HEATR4: variants seen among roughly 807,000 people sequenced by gnomAD.
HEATR4 encodes the protein HEAT repeat containing 4.
HEATR4 carries 95 observed loss-of-function variants against 108.8 expected under a neutral mutation model. That is an observed-to-expected ratio of 0.87 (90% CI 0.74 to 1.04). The LOEUF (loss-of-function observed/expected upper bound fraction) is 1.04. HEATR4 is among the 50% of genes least tolerant of loss of function. HEATR4 has a pLI of 0.00. For synonymous variants in HEATR4, 443 were observed against 459.4 expected (o/e 0.96, Z 0.46); for missense variants, 1,152 against 1,253.8 (o/e 0.92, Z 1.23).
chr14:73,590,611 C>G, the HEATR4 span, among the ~76,000 whole-genome samples: 1 of 152,194 alleles, frequency 6.6e-6, no homozygotes, highest in South Asian at 2.1e-4. Context: ...CTGCAGGTCC[C>G]GAGCCCTGCG....
chr14:73,574,616 G>A, the HEATR4 span, among the ~76,000 whole-genome samples: 1 of 151,962 alleles, frequency 6.6e-6, no homozygotes, highest in Non-Finnish European at 1.5e-5. Context: ...CAGTGGGAAT[G>A]GGTGGCTCAG....
the HEATR4 span, among the ~76,000 whole-genome samples, chr14:73,597,960 G>C: frequency 1.3e-5 from 2 of 151,654 alleles, no homozygotes; most frequent in African/African-American, 4.8e-5. Context: ...CTGACCTCAA[G>C]TGATCCACCT....
At position 73,503,000 on chromosome 14, in the gene HEATR4, T is replaced by A; in HGVS notation, c.2000A>T (p.Lys667Met). Residue 667 changes from lysine to methionine, a missense_variant, in exon 11 of 18, where the codon AAG (lysine) becomes ATG (methionine). By Grantham distance (95) the Lys-to-Met change is moderately conservative. Transcript: ENST00000553558. ...GTCATTCCACATCAGCTGGATCAACTTATGTTTCATATCCTATAAATAGGT... is the reference window on the plus strand; with the variant it reads ...GTCATTCCACATCAGCTGGATCAACATATGTTTCATATCCTATAAATAGGT... ...SGNVCLDMKH[K>M]LIQLMWNDWN... is the part of the protein sequence containing the mutation. The A allele has an allele frequency of 6.2e-7, 1 of 1,612,644 alleles. No individual in the cohort carries two copies. Among genetic ancestry groups the A allele is most frequent in the Non-Finnish European group, 8.5e-7 (1 of 1,178,856 alleles).
chr14:73,509,322 G>C lies in HEATR4; in HGVS notation c.1710C>G (p.Ala570=). The stretch of plus-strand genomic sequence containing the variant: ...CAGGGAGTTACTCACCCTTCAGAAG[G>C]GCAGTCTGCATGATGTTCCGGGCAA... The part of the protein sequence containing the change: ...NPLARNIMQT[A]LLKGNSVDSW... The change falls in exon 8 of 18, where the codon GCC becomes GCG. Residue 570 remains alanine, a synonymous_variant. Transcript: ENST00000553558. The C allele has an allele frequency of 6.2e-7, 1 of 1,614,012 alleles. No individual in the cohort carries two copies. The highest frequency in any genetic ancestry group is 8.5e-7 in the Non-Finnish European group (1 of 1,179,970).
chr14:73,599,252 T>C, the HEATR4 span, among the ~76,000 whole-genome samples: 1 of 152,098 alleles, frequency 6.6e-6, no homozygotes, highest in Non-Finnish European at 1.5e-5. Context: ...GATGTCCCTC[T>C]CAAGCCCTGT....
chr14:73,607,321 AAAAG>A, the HEATR4 span, among the ~76,000 whole-genome samples: 1 of 152,214 alleles, frequency 6.6e-6, no homozygotes, highest in East Asian at 1.9e-4. Flanking sequence ...AAAAAATAAA[AAAAG>A]AAAGAAATGT....
the HEATR4 span, chr14:73,619,661 A>G: frequency 6.2e-7 from 1 of 1,614,044 alleles, no homozygotes; most frequent in East Asian, 2.2e-5. Flanking sequence ...CACTGTATTG[A>G]CCCACCTTAT....
rs751535322 is a variant in HEATR4, at chr14:73,499,073, C to T, written c.2354G>A (p.Arg785Gln). The change falls in exon 13 of 18, where the codon CGA becomes CAA. Residue 785 changes from arginine to glutamine, a missense_variant and splice_region_variant. By Grantham distance (43) the Arg-to-Gln change is conservative. Transcript: ENST00000553558. ...PYWKIKAFAI[R>Q]ALGQIGQVSP... ...TTGGGGCACTACTTCTATAATACCT[C>T]GAATGGCAAAGGCCTTGATTTTCCA... The T allele has an allele frequency of 1.4e-5, 22 of 1,613,824 alleles. No homozygotes were observed. Among genetic ancestry groups the T allele is most frequent in the African/African-American group, 4.0e-5 (3 of 75,018 alleles).
chr14:73,592,587 T>C, the HEATR4 span, among the ~76,000 whole-genome samples: 1 of 152,240 alleles, frequency 6.6e-6, no homozygotes, highest in South Asian at 2.1e-4. Context: ...GCGTGGTGAC[T>C]AACGCCTGTA....
At chr14:73,595,493 C>G in the HEATR4 span, 4 of 1,613,922 alleles carry the variant, frequency 2.5e-6, no homozygotes, top group Non-Finnish European at 3.4e-6. Context: ...TTACTTCCCC[C>G]TGTGCCCAGC....
chr14:73,500,589 G>A lies in HEATR4; in HGVS notation c.2247C>T (p.Ala749=), dbSNP rs1272328364. The change falls in exon 12 of 18, where the codon GCC becomes GCT. Residue 749 remains alanine (A), a synonymous_variant. Coordinates refer to ENST00000553558, the MANE Select transcript of HEATR4 (RefSeq NM_001220484.1). ...SDDFTAVRRA[A]CLAAGALQIR... is the part of the protein sequence containing the mutation. ...TCTGCAGGGCACCAGCTGCCAAACAGGCTGCCCGCCGAACTGCTGTGAAGT... is the reference window on the plus strand; with the variant it reads ...TCTGCAGGGCACCAGCTGCCAAACAAGCTGCCCGCCGAACTGCTGTGAAGT... 6.2e-7 allele frequency: 1 copy of A among 1,613,914 alleles called. No homozygotes were observed. Among genetic ancestry groups the A allele is most frequent in the Non-Finnish European group, 8.5e-7 (1 of 1,179,996 alleles).
chr14:73,547,202 A>G lies in HEATR4; in HGVS notation c.-152+11549T>C, dbSNP rs1170492926. Among the ~76,000 whole-genome samples the G allele has an allele frequency of 3.5e-5, 4 of 113,250 alleles. 2 individuals are homozygous for G. The highest frequency in any genetic ancestry group is 1.1e-4 in the African/African-American group (4 of 35,418). 74.3% of individuals were successfully genotyped at this position (113,250 alleles called of 152,430 possible). A position where few individuals can be genotyped will look rare whatever the true frequency, so the allele number is the denominator to read the frequency against. On this transcript the variant is annotated intron_variant, in intron 1 of 17. Transcript: ENST00000553558. ...TTGAGACCAGCCAGGCCAACATGGTAAAACGCCATCTCTACTGAAAATACA... is the reference window on the plus strand; with the variant it reads ...TTGAGACCAGCCAGGCCAACATGGTGAAACGCCATCTCTACTGAAAATACA...
At chr14:73,478,994 A>G (rs988863028) in intron 17 of HEATR4, 152 bp from the exon 18 acceptor site, 3 of 537,904 alleles carry the variant, frequency 5.6e-6, no homozygotes, top group African/African-American at 3.8e-5. Context: ...GCTGGAGTTC[A>G]GTGGCGCAAT....
the HEATR4 span, chr14:73,573,554 T>G: frequency 1.9e-6 from 3 of 1,613,762 alleles, no homozygotes; most frequent in Non-Finnish European, 2.5e-6. Flanking sequence ...TGGAGTACTT[T>G]GAAGAAGCCA....
chr14:73,478,927 A>G, intron 17 of HEATR4, 85 bp from the exon 18 acceptor site: 2 of 979,282 alleles, frequency 2.0e-6, no homozygotes, highest in South Asian at 3.4e-5. Context: ...CTCTTTGGCT[A>G]TAGGGTGTCT....
At position 73,523,243 on chromosome 14, in the gene HEATR4, G is replaced by A. The variant is rs969112424; in HGVS notation, c.-72-19C>T. On this transcript the variant is annotated intron_variant, in intron 2 of 17. Coordinates refer to ENST00000553558, the MANE Select transcript of HEATR4 (RefSeq NM_001220484.1). ...CTGGCACCTGTTAAGGGAATGGGAG[G>A]AACTGATGAGAACTCTAGAGCAGCA... 2.4e-6 allele frequency: 3 copies of A among 1,235,942 alleles called. No homozygotes were observed. The African/African-American group carries it at 4.5e-5, about 19-fold the overall frequency. The allele number at this position is 1,235,942 out of a possible 1,614,324, so 76.6% of individuals were successfully genotyped here.
chr14:73,502,114 G>A (rs1406478071), intron 11 of HEATR4, among the ~76,000 whole-genome samples: 3 of 148,616 alleles, frequency 2.0e-5, no homozygotes, highest in South Asian at 2.1e-4. Flanking sequence ...GGCTGGTCTC[G>A]AACTCCTGGG....
the HEATR4 span, among the ~76,000 whole-genome samples, chr14:73,603,191 A>C: frequency 6.6e-6 from 1 of 152,216 alleles, no homozygotes; most frequent in Non-Finnish European, 1.5e-5. Context: ...ATATGTCCCC[A>C]GGCCTTACCA....
chr14:73,490,919 C>G, intron 17 of HEATR4: 1 of 1,241,832 alleles, frequency 8.1e-7, no homozygotes. Flanking sequence ...GGCTGGAGGC[C>G]GCGCCCCCTT....
Sources: allele counts gnomAD v4.1 joint callset (sites outside exome capture counted in the v4.1 genomes callset), GRCh38; gene constraint gnomAD v4.1.1; transcripts MANE v1.5; gene names NCBI Gene and HGNC (gene_info 2026-07-23, HGNC 2026-07-21).